RPS6KA3: variants seen among roughly 807,000 people sequenced by gnomAD.
The protein encoded by RPS6KA3 is ribosomal protein S6 kinase A3.
RPS6KA3 carries 4 observed loss-of-function variants against 67.2 expected under a neutral mutation model. The ratio of observed to expected loss-of-function variants is 0.06; its 90% CI spans 0.03 to 0.14. RPS6KA3 has a LOEUF of 0.14. Ranked by LOEUF, RPS6KA3 falls within the 10% of genes least tolerant of loss-of-function variation. The pLI is 1.00. For missense variants in RPS6KA3, 204 were observed against 559.0 expected, an observed-to-expected ratio of 0.36 and a Z score of 6.40; for synonymous variants, 182 against 183.7, an observed-to-expected ratio of 0.99 and a Z score of 0.07.
intron 2 of RPS6KA3, among the ~76,000 whole-genome samples, chrX:20,220,936 GATT>G (rs2068973704): frequency 9.0e-6 from 1 of 111,685 alleles, no homozygotes; most frequent in Admixed American, 9.5e-5. Flanking sequence ...ATACAGATTT[GATT>G]ATAAAATTTT....
chrX:20,170,210 T>C (rs1305279643), intron 15 of RPS6KA3, among the ~76,000 whole-genome samples: 4 of 112,382 alleles, frequency 3.6e-5, no homozygotes, highest in Admixed American at 9.5e-5. Flanking sequence ...ACTAATATTA[T>C]ATAAAAAAGA....
In RPS6KA3 at chrX:20,172,720, T is replaced by A. The variant is rs1210715556; in HGVS notation, c.1353+26A>T. ...CATGCATGAACAAGAACTGTATGAATTGCATTTTAAATAAAAAAAATTTAC... is the reference window on the plus strand; with the variant it reads ...CATGCATGAACAAGAACTGTATGAAATGCATTTTAAATAAAAAAAATTTAC... On this transcript the variant is annotated intron_variant, in intron 15 of 21. Coordinates refer to ENST00000379565, the MANE Select transcript of RPS6KA3 (RefSeq NM_004586.3). 2.6e-6 allele frequency: 3 copies of A among 1,142,717 alleles called. No individual in the cohort carries two copies. In the Admixed American group the frequency reaches 7.7e-5, roughly 29 times the overall value. 94.2% of individuals were successfully genotyped at this position (1,142,717 alleles called of 1,213,427 possible). A position where few individuals can be genotyped will look rare whatever the true frequency, so the allele number is the denominator to read the frequency against.
In RPS6KA3 at chrX:20,266,818, G is replaced by T; in HGVS notation, c.-186C>A. The T allele has an allele frequency of 5.6e-6, 2 of 356,609 alleles. No individual in the cohort carries two copies. The highest frequency in any genetic ancestry group is 7.2e-6 in the Non-Finnish European group (2 of 275,991). The allele number at this position is 356,609 out of a possible 1,213,427, so 29.4% of individuals were successfully genotyped here. On this transcript the variant is annotated 5_prime_UTR_variant, in exon 1 of 22. Coordinates refer to ENST00000379565, the MANE Select transcript of RPS6KA3 (RefSeq NM_004586.3). The stretch of plus-strand genomic sequence containing the variant: ...CCAGAGAGGGCTCGACGCCGACGCC[G>T]ACCGCCCGAAAGCCGCGCGCCTGGC...
intron 4 of RPS6KA3, among the ~76,000 whole-genome samples, chrX:20,202,293 G>A (rs983657016): frequency 1.8e-5 from 2 of 110,449 alleles, no homozygotes; most frequent in African/African-American, 3.3e-5. Flanking sequence ...GAGCTCAGGG[G>A]TATCATTACT....
chrX:20,172,740 A>T lies in RPS6KA3; in HGVS notation c.1353+6T>A, dbSNP rs910939389. ...ATGAATTGCATTTTAAATAAAAAAAATTTACCTTCACTGCAAACTCCATGT... is the reference window on the plus strand; with the variant it reads ...ATGAATTGCATTTTAAATAAAAAAATTTTACCTTCACTGCAAACTCCATGT... On this transcript the variant is annotated splice_donor_region_variant and intron_variant, in intron 15 of 21. Coordinates refer to ENST00000379565, the MANE Select transcript of RPS6KA3 (RefSeq NM_004586.3). 2 of 1,179,410 alleles carry T rather than the reference A, an allele frequency of 1.7e-6. No homozygotes were observed. The highest frequency in any genetic ancestry group is 2.3e-6 in the Non-Finnish European group (2 of 875,878).
Position 20,159,859 on chromosome X carries a change from ATG to A in RPS6KA3, c.1959+1783_1959+1784del, listed in dbSNP as rs753062964. 3.2e-4 allele frequency among the ~76,000 whole-genome samples: 36 copies of A among 111,664 alleles called. 1 individual carries two copies. Among genetic ancestry groups the A allele is most frequent in the Middle Eastern group, 9.2e-3 (2 of 218 alleles). ...AAATCTGATCACTGCACTCCTTAAT[ATG>A]TGTTTTAACAGCTCCACAATACCCA... On this transcript the variant is annotated intron_variant, in intron 20 of 21. Transcript: ENST00000379565.
intron 1 of RPS6KA3, among the ~76,000 whole-genome samples, chrX:20,237,216 A>G (rs1280582600): frequency 4.5e-5 from 5 of 111,258 alleles, no homozygotes; most frequent in Admixed American, 9.6e-5. Context: ...TATATTTGTC[A>G]TCTTAATGAA....
intron 2 of RPS6KA3, among the ~76,000 whole-genome samples, chrX:20,211,320 G>A (rs1358428941): frequency 9.0e-6 from 1 of 111,160 alleles, no homozygotes; most frequent in Non-Finnish European, 1.9e-5. Flanking sequence ...GAAATTTAAA[G>A]AGATTAATTG....
At chrX:20,260,070 G>A (rs1358743035) in intron 1 of RPS6KA3, among the ~76,000 whole-genome samples, 1 of 111,454 alleles carries the variant, frequency 9.0e-6, no homozygotes, top group Non-Finnish European at 1.9e-5. Context: ...TATAGTAATG[G>A]GGAAGGAGGT....
Position 20,266,191 on chromosome X carries a change from A to G in RPS6KA3, c.69+373T>C, listed in dbSNP as rs767486640. ...CCCTCCCTCATCTCCCAAAGTCGCC[A>G]AGGTCCGGGAAAGCCCCCGACCCGG... On this transcript the variant is annotated intron_variant, in intron 1 of 21. Transcript: ENST00000379565. 7.0e-4 allele frequency: 106 copies of G among 150,436 alleles called. 1 individual carries two copies. The highest frequency in any genetic ancestry group is 3.0e-3 in the African/African-American group (94 of 30,912). 12.4% of individuals were successfully genotyped at this position (150,436 alleles called of 1,213,427 possible). A position where few individuals can be genotyped will look rare whatever the true frequency, so the allele number is the denominator to read the frequency against.
chrX:20,245,823 T>G (rs2069670972), intron 1 of RPS6KA3, among the ~76,000 whole-genome samples: 1 of 111,467 alleles, frequency 9.0e-6, no homozygotes. Context: ...TGCCTGTGAT[T>G]ACACAAGACT....
In RPS6KA3 at chrX:20,166,570, G is replaced by A. The variant is rs373216185; in HGVS notation, c.1602+1019C>T. Among the ~76,000 whole-genome samples, 22 of 110,765 alleles carry A rather than the reference G, an allele frequency of 2.0e-4. No individual in the cohort carries two copies. In the South Asian group the frequency reaches 4.6e-3, roughly 23 times the overall value. On this transcript the variant is annotated intron_variant, in intron 17 of 21. Transcript: ENST00000379565. The stretch of plus-strand genomic sequence containing the variant: ...ATCAAAACATCATGTTGTATACCAT[G>A]AATATACATAATTTGTCAACTAAAA...
chrX:20,230,611 GTATGCAAAACCTTAT>G (rs2069234996), intron 2 of RPS6KA3, among the ~76,000 whole-genome samples: 1 of 111,419 alleles, frequency 9.0e-6, no homozygotes, highest in Non-Finnish European at 1.9e-5. Context: ...GTGGAGAGAA[GTATGCAAAACCTTAT>G]TATGCAGGGC....
intron 14 of RPS6KA3, among the ~76,000 whole-genome samples, chrX:20,173,668 C>CA (rs773529065): frequency 2.3e-4 from 26 of 112,372 alleles, no homozygotes; most frequent in African/African-American, 8.4e-4. Flanking sequence ...ATGTTAGGTA[C>CA]AGAATTTGTA....
chrX:20,198,749 T>G (rs1044520065), intron 4 of RPS6KA3, among the ~76,000 whole-genome samples: 1 of 112,354 alleles, frequency 8.9e-6, no homozygotes, highest in South Asian at 3.7e-4. Context: ...GGATCCTAAT[T>G]TAAACAGACT....
At chrX:20,212,225 C>T (rs920982032) in intron 2 of RPS6KA3, among the ~76,000 whole-genome samples, 11 of 111,821 alleles carry the variant, frequency 9.8e-5, no homozygotes, top group African/African-American at 2.0e-4. Flanking sequence ...TGGCTGGACA[C>T]GGTGGCTCAT....
At chrX:20,203,848 TTA>T in intron 4 of RPS6KA3, 172 bp downstream of exon 4, 1 of 459,718 alleles carries the variant, frequency 2.2e-6, no homozygotes. Context: ...TTCTCACTAG[TTA>T]TATGATTCCT....
chrX:20,157,334 T>G (rs1443784500), intron 20 of RPS6KA3, among the ~76,000 whole-genome samples: 1 of 50,939 alleles, frequency 2.0e-5, no homozygotes, highest in African/African-American at 7.6e-5. Flanking sequence ...AGGTCCTGTA[T>G]CTACAATTTT....
intron 2 of RPS6KA3, among the ~76,000 whole-genome samples, chrX:20,224,477 C>T (rs957769817): frequency 3.6e-5 from 4 of 111,064 alleles, no homozygotes; most frequent in African/African-American, 6.6e-5. Context: ...TCGACCCATA[C>T]GACAAAAACT....
Sources: allele counts gnomAD v4.1 joint callset (sites outside exome capture counted in the v4.1 genomes callset), GRCh38; gene constraint gnomAD v4.1.1; transcripts MANE v1.5; gene names NCBI Gene and HGNC (gene_info 2026-07-23, HGNC 2026-07-21).